The following SLC24A2 variants were observed in gnomAD, a reference collection of about 807,000 sequenced individuals.
SLC24A2 encodes the protein sodium/potassium/calcium exchanger 2.
SLC24A2 carries 36 observed loss-of-function variants against 62.0 expected under a neutral mutation model. The observed-to-expected ratio is 0.58, with a 90% CI of 0.44 to 0.77. The LOEUF (loss-of-function observed/expected upper bound fraction) is 0.77, where lower values mean the gene tolerates loss of function less well. Among genes scored for constraint, SLC24A2 ranks in the 30% least tolerant of loss-of-function variants. SLC24A2 has a pLI of 0.00. For missense variants in SLC24A2, 846 were observed against 817.9 expected (o/e 1.03, Z -0.42); for synonymous variants, 358 against 294.0 (o/e 1.22, Z -2.23).
chr9:20,094,677 T>A, the SLC24A2 span, among the ~76,000 whole-genome samples: 1 of 152,152 alleles, frequency 6.6e-6, no homozygotes, highest in East Asian at 1.9e-4. Context: ...TCAGGAAAAG[T>A]GTAAAAATTC....
intron 2 of SLC24A2, among the ~76,000 whole-genome samples, chr9:19,725,114 T>C (rs535191915): frequency 3.2e-4 from 49 of 152,278 alleles, no homozygotes; most frequent in African/African-American, 1.0e-3. Flanking sequence ...CATTTTTCAA[T>C]GTCTTGGGAC....
At chr9:19,554,061 G>C (rs540316795) in intron 7 of SLC24A2, among the ~76,000 whole-genome samples, 1 of 152,126 alleles carries the variant, frequency 6.6e-6, no homozygotes, top group Non-Finnish European at 1.5e-5. Flanking sequence ...TTAAAACAAG[G>C]CCACTAGTGT....
intron 2 of SLC24A2, among the ~76,000 whole-genome samples, chr9:19,631,321 C>T (rs559700132): frequency 2.6e-5 from 4 of 152,302 alleles, no homozygotes; most frequent in South Asian, 4.1e-4. Flanking sequence ...TTTGATACTG[C>T]GAGTGACCCA....
the SLC24A2 span, among the ~76,000 whole-genome samples, chr9:19,865,218 T>C: frequency 5.3e-5 from 8 of 152,132 alleles, no homozygotes; most frequent in Non-Finnish European, 8.8e-5. Flanking sequence ...TCCATGTTCA[T>C]GCATTGGAAC....
At chr9:19,517,978 T>C (rs1833018123) in intron 10 of SLC24A2, among the ~76,000 whole-genome samples, 1 of 150,094 alleles carries the variant, frequency 6.7e-6, no homozygotes, top group South Asian at 2.1e-4. Context: ...TCTAGTGAAG[T>C]TGAGTTTAAT....
At chr9:19,712,575 C>T (rs1470338422) in intron 2 of SLC24A2, among the ~76,000 whole-genome samples, 1 of 152,100 alleles carries the variant, frequency 6.6e-6, no homozygotes, top group African/African-American at 2.4e-5. Flanking sequence ...GCCTGTTACC[C>T]TATGTGACCT....
the SLC24A2 span, among the ~76,000 whole-genome samples, chr9:20,119,126 G>A: frequency 6.6e-6 from 1 of 152,090 alleles, no homozygotes; most frequent in East Asian, 1.9e-4. Context: ...GCCCTCAATT[G>A]TACAACTGTA....
intron 2 of SLC24A2, among the ~76,000 whole-genome samples, chr9:19,692,128 A>G (rs560499963): frequency 2.6e-5 from 4 of 152,320 alleles, no homozygotes; most frequent in Admixed American, 1.3e-4. Context: ...CAAATGTCAT[A>G]CTTATGTCAT....
chr9:19,947,347 CGGAAGGAAGGAAGGAAGGAAAGAA>C, the SLC24A2 span, among the ~76,000 whole-genome samples: 22 of 145,002 alleles, frequency 1.5e-4, 1 homozygote, highest in Admixed American at 1.3e-3. Context: ...CTGTGGCTGC[CGGAAGGAAGGAAGGAAGGAAAGAA>C]GGAAGGAAGG....
At chr9:20,036,332 G>C in the SLC24A2 span, among the ~76,000 whole-genome samples, 20 of 151,964 alleles carry the variant, frequency 1.3e-4, no homozygotes, top group Admixed American at 5.2e-4. Flanking sequence ...TGTTGTAATG[G>C]GAACATTTGA....
chr9:19,661,373 C>T (rs1298987223), intron 2 of SLC24A2, among the ~76,000 whole-genome samples: 2 of 152,128 alleles, frequency 1.3e-5, no homozygotes, highest in Admixed American at 1.3e-4. Context: ...GACATCTCTG[C>T]ATAAACTACT....
the SLC24A2 span, among the ~76,000 whole-genome samples, chr9:19,944,308 T>TA: frequency 6.6e-6 from 1 of 152,104 alleles, no homozygotes; most frequent in African/African-American, 2.4e-5. Flanking sequence ...AAAAGCCACT[T>TA]ACAATGTCAG....
the SLC24A2 span, among the ~76,000 whole-genome samples, chr9:20,069,896 C>G: frequency 8.5e-5 from 13 of 152,314 alleles, no homozygotes; most frequent in African/African-American, 3.1e-4. Context: ...TGTATTTCCA[C>G]CACTTCCTAG....
At chr9:19,534,503 C>T (rs555300527) in intron 8 of SLC24A2, among the ~76,000 whole-genome samples, 4 of 152,152 alleles carry the variant, frequency 2.6e-5, no homozygotes, top group South Asian at 4.2e-4. Context: ...GTTCTCCCTC[C>T]CCTAGCCCCC....
At chr9:19,777,702 T>C (rs1283442590) in intron 2 of SLC24A2, among the ~76,000 whole-genome samples, 2 of 152,148 alleles carry the variant, frequency 1.3e-5, no homozygotes, top group African/African-American at 2.4e-5. Flanking sequence ...CATAGGTGTG[T>C]ATATATATGT....
At chr9:19,801,207 G>C in the SLC24A2 span, among the ~76,000 whole-genome samples, 1 of 152,188 alleles carries the variant, frequency 6.6e-6, no homozygotes, top group Non-Finnish European at 1.5e-5. Context: ...GAGTGTTTTA[G>C]CTCTATTAGA....
chr9:20,073,919 G>GATAT, the SLC24A2 span, among the ~76,000 whole-genome samples: 1,390 of 140,682 alleles, frequency 9.9e-3, 13 homozygotes, highest in South Asian at 0.022. Context: ...CTTGTGGGGA[G>GATAT]ATATATATAT....
At chr9:19,833,375 C>T in the SLC24A2 span, among the ~76,000 whole-genome samples, 1 of 152,172 alleles carries the variant, frequency 6.6e-6, no homozygotes, top group Non-Finnish European at 1.5e-5. Flanking sequence ...GTCACTCCCA[C>T]CCTAATACTG....
chr9:20,289,355 T>C, the SLC24A2 span, among the ~76,000 whole-genome samples: 216 of 152,162 alleles, frequency 1.4e-3, 7 homozygotes, highest in South Asian at 0.035. Flanking sequence ...TGCAAGAAAA[T>C]TGAGACACAG....
Sources: gnomAD v4.1 joint callset for allele counts (sites outside exome capture counted in the v4.1 genomes callset) on GRCh38, gnomAD v4.1.1 for gene constraint, MANE v1.5 for transcripts, NCBI Gene and HGNC (gene_info 2026-07-23, HGNC 2026-07-21) for gene names.